The following LTBP2 variants were observed in gnomAD, a reference collection of about 807,000 sequenced individuals.
The protein encoded by LTBP2 is latent transforming growth factor beta binding protein 2.
LTBP2 carries 103 observed loss-of-function variants against 210.6 expected under a neutral mutation model. That is an observed-to-expected ratio of 0.49 (90% CI 0.42 to 0.58). The LOEUF (loss-of-function observed/expected upper bound fraction) is 0.58, where lower values mean the gene tolerates loss of function less well. LTBP2 is among the 20% of genes least tolerant of loss of function. The pLI is 0.00. For missense variants in LTBP2, 2,313 were observed against 2,494.5 expected, an observed-to-expected ratio of 0.93 and a Z score of 1.55; for synonymous variants, 1,007 against 1,015.0, an observed-to-expected ratio of 0.99 and a Z score of 0.15.
At chr14:74,552,512 C>T (rs1259800648) in intron 5 of LTBP2, 119 bp from the exon 6 acceptor site, 8 of 889,636 alleles carry the variant, frequency 9.0e-6, no homozygotes, top group South Asian at 2.8e-5. Flanking sequence ...CTCCTGTAGC[C>T]CGGAGCCCCC....
rs180932381 is a variant in LTBP2, at chr14:74,582,026, T to G, written c.830+3828A>C. On this transcript the variant is annotated intron_variant, in intron 3 of 35. Coordinates refer to ENST00000261978, the MANE Select transcript of LTBP2 (RefSeq NM_000428.3). ...AGCCTGCCTAGGGTTGTTGTTTTTT[T>G]TTTTTTTTTTGAGATGGAGTTTCAC... Among the ~76,000 whole-genome samples the G allele has an allele frequency of 2.7e-4, 41 of 151,102 alleles. No homozygotes were observed. In the Middle Eastern group the frequency reaches 0.01, roughly 38 times the overall value.
chr14:74,500,829 C>T lies in LTBP2; in HGVS notation c.*55G>A, dbSNP rs185374765. The T allele has an allele frequency of 2.0e-5, 33 of 1,610,522 alleles. No homozygotes were observed. In the East Asian group the frequency reaches 7.4e-4, roughly 36 times the overall value. On this transcript the variant is annotated 3_prime_UTR_variant, in exon 36 of 36. Transcript: ENST00000261978. Reference sequence around the variant, plus strand: ...CCAGCTAGGAAATCATCCTCAAGGCCCCTGCCTGTGACTGGAGGCCATTTC... The same window carrying T: ...CCAGCTAGGAAATCATCCTCAAGGCTCCTGCCTGTGACTGGAGGCCATTTC...
At chr14:74,502,489 C>T (rs910247660) in intron 34 of LTBP2, 164 bp downstream of exon 34, 11 of 865,052 alleles carry the variant, frequency 1.3e-5, no homozygotes, top group African/African-American at 8.3e-5. Flanking sequence ...CGGACCTGGG[C>T]GTATGTACTT....
Position 74,521,579 on chromosome 14 carries a change from C to A in LTBP2, c.2788+332G>T, listed in dbSNP as rs529673176. Reference sequence around the variant, plus strand: ...GTCTCCCTCCTTCCCTGACATGAAACCAGCTCCTTGTCACTCGGAGTTTGG... The same window carrying A: ...GTCTCCCTCCTTCCCTGACATGAAAACAGCTCCTTGTCACTCGGAGTTTGG... On this transcript the variant is annotated intron_variant, in intron 17 of 35. Transcript: ENST00000261978. Among the ~76,000 whole-genome samples, 40 of 152,342 alleles carry A rather than the reference C, an allele frequency of 2.6e-4. 1 individual carries two copies. Among genetic ancestry groups the A allele is most frequent in the Admixed American group, 2.0e-3 (31 of 15,308 alleles).
At chr14:74,574,811 G>A (rs887036730) in intron 3 of LTBP2, among the ~76,000 whole-genome samples, 2 of 152,256 alleles carry the variant, frequency 1.3e-5, no homozygotes, top group Admixed American at 6.5e-5. Flanking sequence ...TCATCAGAGA[G>A]TTTGAGATCT....
At chr14:74,531,081 C>T (rs2087344113) in intron 10 of LTBP2, among the ~76,000 whole-genome samples, 1 of 152,202 alleles carries the variant, frequency 6.6e-6, no homozygotes, top group Admixed American at 6.5e-5. Flanking sequence ...CCTTTGAACC[C>T]CAGGGTGGAG....
At chr14:74,505,638 C>T (rs973009155) in intron 28 of LTBP2, among the ~76,000 whole-genome samples, 5 of 151,984 alleles carry the variant, frequency 3.3e-5, no homozygotes, top group Admixed American at 6.5e-5. Flanking sequence ...TCCAGCCTGG[C>T]GTGAGAGGCT....
intron 32 of LTBP2, 26 bp from the exon 33 acceptor site, chr14:74,503,412 A>T: frequency 6.2e-7 from 1 of 1,610,720 alleles, no homozygotes; most frequent in Non-Finnish European, 8.5e-7. Context: ...ACGGAGGCAC[A>T]TGAGCCCCCC....
intron 1 of LTBP2, among the ~76,000 whole-genome samples, chr14:74,608,581 G>A (rs1241670225): frequency 6.6e-6 from 1 of 151,810 alleles, no homozygotes; most frequent in African/African-American, 2.4e-5. Context: ...GTGGTGACGT[G>A]CGCCCATAAT....
At chr14:74,608,327 T>C (rs1464738041) in intron 1 of LTBP2, among the ~76,000 whole-genome samples, 1 of 152,176 alleles carries the variant, frequency 6.6e-6, no homozygotes, top group Non-Finnish European at 1.5e-5. Context: ...TTTAACAGAA[T>C]ATAAAGTTAA....
chr14:74,507,100 A>T (rs2087001800), intron 26 of LTBP2, 79 bp downstream of exon 26: 3 of 1,611,140 alleles, frequency 1.9e-6, no homozygotes, highest in Non-Finnish European at 2.5e-6. Context: ...TGTCCTCAGG[A>T]GAAAATCATG....
chr14:74,586,209 G>T lies in LTBP2; in HGVS notation c.566-91C>A. ...CTTCCTGTCAGAAGGGCCCTCCTGA[G>T]TGCTGCAACCCTGTCGCTCAAGCAG... On this transcript the variant is annotated intron_variant, in intron 2 of 35. Coordinates refer to ENST00000261978, the MANE Select transcript of LTBP2 (RefSeq NM_000428.3). The surrounding 1 kb of genome is among the most constrained non-coding windows in gnomAD (Gnocchi z 4.6). 1 of 1,409,392 alleles carries T rather than the reference G, an allele frequency of 7.1e-7. No individual in the cohort carries two copies. The highest frequency in any genetic ancestry group is 9.7e-7 in the Non-Finnish European group (1 of 1,036,150). 87.3% of individuals were successfully genotyped at this position (1,409,392 alleles called of 1,614,324 possible). A position where few individuals can be genotyped will look rare whatever the true frequency, so the allele number is the denominator to read the frequency against.
chr14:74,571,021 A>T (rs932967976), intron 3 of LTBP2, among the ~76,000 whole-genome samples: 10 of 145,472 alleles, frequency 6.9e-5, no homozygotes, highest in Non-Finnish European at 1.5e-4. Context: ...CAAATAAACC[A>T]CTTTTCTTTA....
chr14:74,611,364 G>T (rs1475079345), intron 1 of LTBP2, 87 bp downstream of exon 1: 2 of 1,352,900 alleles, frequency 1.5e-6, no homozygotes, highest in Admixed American at 3.0e-5. Context: ...TATGAGAGCG[G>T]CGCCCTCTCC....
chr14:74,517,125 A>T (rs917941199), intron 17 of LTBP2, among the ~76,000 whole-genome samples, 184 bp from the exon 18 acceptor site: 3 of 152,098 alleles, frequency 2.0e-5, no homozygotes, highest in Non-Finnish European at 4.4e-5. Context: ...GTCTGAAATG[A>T]TCTAGCTCAG....
At chr14:74,523,292 G>GGACA (rs1283933169) in intron 15 of LTBP2, among the ~76,000 whole-genome samples, 6 of 152,150 alleles carry the variant, frequency 3.9e-5, no homozygotes, top group Admixed American at 2.0e-4. Flanking sequence ...AGTTTTCCCT[G>GGACA]GACAGACAGA....
chr14:74,561,199 T>A (rs1238922916), intron 3 of LTBP2, among the ~76,000 whole-genome samples: 1 of 152,096 alleles, frequency 6.6e-6, no homozygotes, highest in African/African-American at 2.4e-5. Context: ...GCACCTGTAG[T>A]CTCAGCTACT....
At chr14:74,525,333 G>A in intron 14 of LTBP2, 108 bp from the exon 15 acceptor site, 2 of 497,462 alleles carry the variant, frequency 4.0e-6, no homozygotes, top group East Asian at 3.4e-5. Context: ...GAAGCCTGGG[G>A]TGGGTCACTC....
chr14:74,567,329 C>T (rs574841588), intron 3 of LTBP2, among the ~76,000 whole-genome samples: 11 of 152,292 alleles, frequency 7.2e-5, no homozygotes, highest in African/African-American at 1.7e-4. Context: ...TTTAGGCTGC[C>T]GGGCTGCCAA....
Sources: gnomAD v4.1 joint callset for allele counts (sites outside exome capture counted in the v4.1 genomes callset) on GRCh38, gnomAD v4.1.1 for gene constraint, Gnocchi (gnomAD v3.1) non-coding constraint, MANE v1.5 for transcripts, NCBI Gene and HGNC (gene_info 2026-07-23, HGNC 2026-07-21) for gene names.